The following GK5 variants were observed in gnomAD, a reference collection of about 807,000 sequenced individuals.
The protein encoded by GK5 is ATP:glycerol 3-phosphotransferase 5.
Under a neutral mutation model 77.3 loss-of-function variants are expected in GK5, and 39 were observed. That is an observed-to-expected ratio of 0.50 (90% CI 0.39 to 0.66). The LOEUF (loss-of-function observed/expected upper bound fraction) is 0.66. GK5 is among the 30% of genes least tolerant of loss of function. The pLI is 0.00. For missense variants in GK5, 487 were observed against 633.8 expected, an observed-to-expected ratio of 0.77 and a Z score of 2.49; for synonymous variants, 211 against 208.0, an observed-to-expected ratio of 1.01 and a Z score of -0.13.
intron 15 of GK5, among the ~76,000 whole-genome samples, chr3:142,167,131 T>C (rs546236219): frequency 4.6e-5 from 7 of 152,262 alleles, no homozygotes; most frequent in East Asian, 1.9e-4. Flanking sequence ...CCCAGCACTT[T>C]GGGAAGCCGA....
At chr3:142,207,003 T>C (rs2064118301) in intron 3 of GK5, among the ~76,000 whole-genome samples, 1 of 152,230 alleles carries the variant, frequency 6.6e-6, no homozygotes, top group Admixed American at 6.5e-5. Context: ...CTCCTGATTA[T>C]TGTAAATACA....
At chr3:142,191,190 G>A (rs945138572) in intron 5 of GK5, among the ~76,000 whole-genome samples, 7 of 151,782 alleles carry the variant, frequency 4.6e-5, no homozygotes, top group African/African-American at 1.5e-4. Flanking sequence ...CTACAGGTGC[G>A]TGGTAATTTT....
At chr3:142,173,769 G>A (rs553968274) in intron 12 of GK5, among the ~76,000 whole-genome samples, 1 of 152,236 alleles carries the variant, frequency 6.6e-6, no homozygotes, top group African/African-American at 2.4e-5. Context: ...AGTCTCACAA[G>A]GAAACAGACA....
chr3:142,204,221 T>C (rs900895379), intron 4 of GK5: 7 of 224,248 alleles, frequency 3.1e-5, no homozygotes, highest in African/African-American at 1.4e-4. Flanking sequence ...TCTTACCATG[T>C]TGCCCAAGCT....
At position 142,177,498 on chromosome 3, in the gene GK5, G is replaced by T. The variant is rs765868738; in HGVS notation, c.1127C>A (p.Ser376Tyr). 1 of 1,603,966 alleles carries T rather than the reference G, an allele frequency of 6.2e-7. No homozygotes were observed. The highest frequency in any genetic ancestry group is 1.1e-5 in the South Asian group (1 of 90,646). Reference protein sequence around the residue: ...EDSEGVCFVPSFSGLQAPLND... With the variant: ...EDSEGVCFVPYFSGLQAPLND... ...AATACATACCTGTAATCCACTAAAA[G>T]ATGGAACAAAACAAACTCCTTCAGA... Residue 376 changes from serine (S) to tyrosine (Y), a missense_variant, in exon 12 of 16, where the codon TCT becomes TAT. Physicochemically the swap from Ser to Tyr is moderately radical, Grantham distance 144. This residue lies in a region of GK5 where 323 missense variants were observed against 437.4 expected (regional missense o/e 0.74). Coordinates refer to ENST00000392993, the MANE Select transcript of GK5 (RefSeq NM_001039547.3).
At chr3:142,199,632 T>G (rs947911505) in intron 4 of GK5, among the ~76,000 whole-genome samples, 3 of 152,092 alleles carry the variant, frequency 2.0e-5, no homozygotes, top group Non-Finnish European at 2.9e-5. Context: ...TAAAATCTGG[T>G]TGTATGATTT....
In GK5 at chr3:142,175,282, A is replaced by AC. The variant is rs199839654; in HGVS notation, c.1143+2199dup. ...CATAATGGTTGCACTAACTGATGCC[A>AC]CCCCCAGTGTATGGCTCCCACCCTT... On this transcript the variant is annotated intron_variant, in intron 12 of 15. Transcript: ENST00000392993. Among the ~76,000 whole-genome samples the AC allele has an allele frequency of 6.6e-3, 1,011 of 152,060 alleles. 11 individuals carry two copies. The highest frequency in any genetic ancestry group is 0.023 in the African/African-American group (969 of 41,460).
At chr3:142,188,415 G>A (rs2063804080) in intron 5 of GK5, among the ~76,000 whole-genome samples, 1 of 152,168 alleles carries the variant, frequency 6.6e-6, no homozygotes, top group Non-Finnish European at 1.5e-5. Context: ...GGCACCTGTA[G>A]TCCCGCTACT....
Position 142,170,359 on chromosome 3 carries a change from G to A in GK5, c.1407C>T (p.Cys469=), listed in dbSNP as rs140918910. 441 of 1,613,992 alleles carry A rather than the reference G, an allele frequency of 2.7e-4. 1 individual carries two copies. The highest frequency in any genetic ancestry group is 8.9e-4 in the South Asian group (81 of 91,080). The change falls in exon 15 of 16, where the codon TGC becomes TGT. Residue 469 remains cysteine (C), a synonymous_variant. Coordinates refer to ENST00000392993, the MANE Select transcript of GK5 (RefSeq NM_001039547.3). ...GGCCAGCTAGAGAAGCTGCACCCAG[G>A]CATGACATGTCAATGTCGGCAGGTC... ...IDRPADIDMS[C]LGAASLAGLA...
intron 5 of GK5, among the ~76,000 whole-genome samples, chr3:142,192,333 T>G (rs1243707770): frequency 6.6e-6 from 1 of 152,240 alleles, no homozygotes; most frequent in Non-Finnish European, 1.5e-5. Context: ...AGTCTTACCA[T>G]ATGATCCAAC....
At chr3:142,212,829 C>CTTTTTTTTTTTCA (rs746328758) in intron 3 of GK5, among the ~76,000 whole-genome samples, 1 of 40,358 alleles carries the variant, frequency 2.5e-5, no homozygotes, top group Non-Finnish European at 5.0e-5. Flanking sequence ...CAAATATTTT[C>CTTTTTTTTTTTCA]TTTTTTTTTT....
At chr3:142,168,389 G>A (rs1193104733) in intron 15 of GK5, among the ~76,000 whole-genome samples, 1 of 152,098 alleles carries the variant, frequency 6.6e-6, no homozygotes, top group Non-Finnish European at 1.5e-5. Context: ...TCAATCAAAC[G>A]TTAATCAATG....
chr3:142,174,214 T>C (rs138454001), intron 12 of GK5, among the ~76,000 whole-genome samples: 566 of 152,274 alleles, frequency 3.7e-3, no homozygotes, highest in African/African-American at 0.013. Flanking sequence ...CAATACACAT[T>C]TGGTGAATAA....
At chr3:142,180,448 G>C (rs952937440) in intron 11 of GK5, among the ~76,000 whole-genome samples, 1 of 151,728 alleles carries the variant, frequency 6.6e-6, no homozygotes, top group Admixed American at 6.6e-5. Context: ...GATTACAGGC[G>C]CACACCACCA....
intron 3 of GK5, 49 bp from the exon 4 acceptor site, chr3:142,204,837 A>G: frequency 2.0e-6 from 2 of 1,009,860 alleles, no homozygotes; most frequent in Non-Finnish European, 3.0e-6. Flanking sequence ...ATCAGAGACT[A>G]TGTTAAAGAT....
At chr3:142,174,559 A>G (rs1454852264) in intron 12 of GK5, among the ~76,000 whole-genome samples, 1 of 152,182 alleles carries the variant, frequency 6.6e-6, no homozygotes, top group East Asian at 1.9e-4. Flanking sequence ...CCTGGGCAAA[A>G]CTAGTAGTCT....
At chr3:142,203,916 T>C (rs2107791055) in intron 4 of GK5, among the ~76,000 whole-genome samples, 1 of 152,252 alleles carries the variant, frequency 6.6e-6, no homozygotes, top group South Asian at 2.1e-4. Context: ...GTGAGGGCAA[T>C]TTGAGACAAA....
intron 5 of GK5, among the ~76,000 whole-genome samples, chr3:142,191,321 C>T (rs1166926247): frequency 6.6e-6 from 1 of 151,890 alleles, no homozygotes; most frequent in East Asian, 1.9e-4. Context: ...AGCCACTGCG[C>T]CCGGCAAGAA....
At chr3:142,170,232 G>C in intron 15 of GK5, 93 bp downstream of exon 15, 3 of 1,317,610 alleles carry the variant, frequency 2.3e-6, no homozygotes, top group Non-Finnish European at 3.3e-6. Flanking sequence ...AGGCTTTCCA[G>C]ACTCTCTAGA....
Sources: gnomAD v4.1 joint callset for allele counts (sites outside exome capture counted in the v4.1 genomes callset) on GRCh38, gnomAD v4.1.1 for gene constraint, gnomAD v4.1.1 regional missense constraint, MANE v1.5 for transcripts, NCBI Gene and HGNC (gene_info 2026-07-23, HGNC 2026-07-21) for gene names.